Variants in CADPS2 observed in about 807,000 individuals in gnomAD.
The protein encoded by CADPS2 is calcium-dependent secretion activator 2.
In CADPS2, 93 loss-of-function variants were observed where a neutral mutation model predicts 172.5. The ratio of observed to expected loss-of-function variants is 0.54; its 90% CI spans 0.46 to 0.64. The LOEUF (loss-of-function observed/expected upper bound fraction) is 0.64, where lower values mean the gene tolerates loss of function less well. Among genes scored for constraint, CADPS2 ranks in the 30% least tolerant of loss-of-function variants. CADPS2 has a pLI of 0.00. For missense variants in CADPS2, 1,420 were observed against 1,565.9 expected (o/e 0.91, Z 1.57); for synonymous variants, 546 against 555.2 (o/e 0.98, Z 0.23).
At chr7:122,875,662 T>G (rs1428803943) in intron 1 of CADPS2, among the ~76,000 whole-genome samples, 1 of 152,144 alleles carries the variant, frequency 6.6e-6, no homozygotes, top group African/African-American at 2.4e-5. Context: ...ATTTTTCAAC[T>G]GCAATTTCTA....
chr7:122,694,542 G>T (rs1435475852), intron 2 of CADPS2, among the ~76,000 whole-genome samples: 1 of 152,156 alleles, frequency 6.6e-6, no homozygotes, highest in African/African-American at 2.4e-5. Context: ...TGCCATAATT[G>T]TGGAGAGAGG....
chr7:122,549,635 A>G (rs2064004028), intron 8 of CADPS2, among the ~76,000 whole-genome samples: 1 of 151,492 alleles, frequency 6.6e-6, no homozygotes. Flanking sequence ...AAAAAAGATT[A>G]GTATTAATTA....
At chr7:122,431,369 C>T (rs2049883792) in intron 17 of CADPS2, among the ~76,000 whole-genome samples, 1 of 152,032 alleles carries the variant, frequency 6.6e-6, no homozygotes, top group Non-Finnish European at 1.5e-5. Flanking sequence ...ATGCACTATA[C>T]ATTGTGTTGG....
intron 3 of CADPS2, among the ~76,000 whole-genome samples, chr7:122,657,858 T>C (rs1180754331): frequency 2.0e-5 from 3 of 151,838 alleles, no homozygotes; most frequent in Non-Finnish European, 4.4e-5. Flanking sequence ...TGAATAGGAG[T>C]GGTGAGAGAG....
intron 20 of CADPS2, among the ~76,000 whole-genome samples, chr7:122,396,649 C>T (rs982804801): frequency 3.9e-5 from 6 of 152,162 alleles, no homozygotes; most frequent in Non-Finnish European, 7.3e-5. Flanking sequence ...ATGACTTTCA[C>T]GATTCAATAT....
At chr7:122,417,679 G>T (rs12706409) in intron 17 of CADPS2, among the ~76,000 whole-genome samples, 2,671 of 152,280 alleles carry the variant, frequency 0.018, 32 homozygotes, top group Non-Finnish European at 0.028. Context: ...ATTTTGTCAG[G>T]AAGAGAAGGC....
At chr7:122,506,899 G>T (rs371224130) in intron 9 of CADPS2, among the ~76,000 whole-genome samples, 2 of 152,034 alleles carry the variant, frequency 1.3e-5, no homozygotes, top group African/African-American at 2.4e-5. Flanking sequence ...AGAAAAGTCA[G>T]TCTTTTCAGA....
intron 4 of CADPS2, among the ~76,000 whole-genome samples, chr7:122,623,454 T>A (rs1434552927): frequency 1.3e-5 from 2 of 152,188 alleles, no homozygotes; most frequent in Non-Finnish European, 2.9e-5. Flanking sequence ...AATGATCATT[T>A]GGGGAAAAGT....
At chr7:122,513,340 G>A (rs753119789) in intron 8 of CADPS2, 25 bp from the exon 9 acceptor site, 2 of 1,479,724 alleles carry the variant, frequency 1.4e-6, no homozygotes, top group South Asian at 2.4e-5. Context: ...AAAAGCCAAA[G>A]AATACTTCAG....
At chr7:122,868,842 G>A (rs117586214) in intron 1 of CADPS2, among the ~76,000 whole-genome samples, 1,525 of 152,226 alleles carry the variant, frequency 0.01, 9 homozygotes, top group Non-Finnish European at 0.015. Flanking sequence ...TAATTTCAAC[G>A]AAGAGATAGA....
chr7:122,730,720 G>A (rs770062883), intron 2 of CADPS2, among the ~76,000 whole-genome samples: 10 of 151,278 alleles, frequency 6.6e-5, no homozygotes, highest in African/African-American at 1.7e-4. Flanking sequence ...TTATACAGGC[G>A]GTATTTGTTT....
At chr7:122,760,851 T>C (rs1032332811) in intron 1 of CADPS2, among the ~76,000 whole-genome samples, 2 of 149,942 alleles carry the variant, frequency 1.3e-5, no homozygotes, top group African/African-American at 4.9e-5. Context: ...TTTGGAGATA[T>C]ACCTAATGTT....
intron 9 of CADPS2, among the ~76,000 whole-genome samples, chr7:122,492,186 G>A (rs2058353478): frequency 6.6e-6 from 1 of 151,156 alleles, no homozygotes; most frequent in South Asian, 2.1e-4. Flanking sequence ...ATAAATAAAT[G>A]AATAAATAAA....
chr7:122,801,734 G>A (rs1439947709), intron 1 of CADPS2, among the ~76,000 whole-genome samples: 1 of 151,338 alleles, frequency 6.6e-6, no homozygotes, highest in Non-Finnish European at 1.5e-5. Context: ...ATAACTACAT[G>A]AAAATGAAAA....
At chr7:122,526,800 A>G (rs2131185910) in intron 8 of CADPS2, among the ~76,000 whole-genome samples, 1 of 152,230 alleles carries the variant, frequency 6.6e-6, no homozygotes, top group East Asian at 1.9e-4. Context: ...TTCTTCCACA[A>G]AGTCATGGCC....
chr7:122,858,384 T>C (rs1815932102), intron 1 of CADPS2, among the ~76,000 whole-genome samples: 1 of 152,162 alleles, frequency 6.6e-6, no homozygotes, highest in African/African-American at 2.4e-5. Context: ...ACAAAGTTCT[T>C]ATTTTGTAAG....
intron 17 of CADPS2, among the ~76,000 whole-genome samples, chr7:122,423,669 T>C (rs1029609717): frequency 1.3e-5 from 2 of 152,222 alleles, no homozygotes; most frequent in South Asian, 4.1e-4. Context: ...ACTGCTTTCA[T>C]CAATGAATGG....
At chr7:122,520,919 G>A (rs1227307423) in intron 8 of CADPS2, among the ~76,000 whole-genome samples, 1 of 152,032 alleles carries the variant, frequency 6.6e-6, no homozygotes, top group African/African-American at 2.4e-5. Flanking sequence ...GTATACAGAA[G>A]ATGGGAATTA....
At chr7:122,871,569 G>A (rs1300545587) in intron 1 of CADPS2, among the ~76,000 whole-genome samples, 1 of 151,924 alleles carries the variant, frequency 6.6e-6, no homozygotes. Flanking sequence ...CTCTGCTAAA[G>A]AAAGAAAGGC....
Sources: gnomAD v4.1 joint callset for allele counts (sites outside exome capture counted in the v4.1 genomes callset) on GRCh38, gnomAD v4.1.1 for gene constraint, MANE v1.5 for transcripts, NCBI Gene and HGNC (gene_info 2026-07-23, HGNC 2026-07-21) for gene names.